The following YAE1 variants were observed in gnomAD, a reference collection of about 807,000 sequenced individuals.
YAE1 encodes the protein protein YAE1 homolog.
A neutral mutation model predicts 23.0 loss-of-function variants in YAE1; 22 were observed. That is an observed-to-expected ratio of 0.96 (90% CI 0.68 to 1.37). The LOEUF is 1.37. Ranked by LOEUF, YAE1 falls within the 40% of genes most tolerant of loss-of-function variation. The pLI is 0.00. For missense variants in YAE1, 260 were observed against 262.1 expected, an observed-to-expected ratio of 0.99 and a Z score of 0.06; for synonymous variants, 101 against 97.0, an observed-to-expected ratio of 1.04 and a Z score of -0.24.
downstream of YAE1, among the ~76,000 whole-genome samples, chr7:39,573,294 A>G (rs906933560): frequency 8.7e-6 from 1 of 115,032 alleles, no homozygotes; most frequent in East Asian, 2.5e-4. Context: ...TATGAAAAAC[A>G]TAGAAAATAT....
At chr7:39,603,389 C>T (rs2876861) in intron 2 of YAE1, among the ~76,000 whole-genome samples, 8,277 of 152,178 alleles carry the variant, frequency 0.054, 295 homozygotes, top group East Asian at 0.12. Context: ...CCGCCTGCCT[C>T]GGCCTCCCAA....
chr7:39,583,323 CATT>C (rs1212381081), intron 2 of YAE1, among the ~76,000 whole-genome samples: 1 of 152,236 alleles, frequency 6.6e-6, no homozygotes, highest in East Asian at 1.9e-4. Context: ...TTCTTTATTG[CATT>C]TGTCACAATA....
chr7:39,610,108 G>C (rs6968742), exon 3 of YAE1: 234,963 of 1,172,004 alleles, frequency 0.2, 27,177 homozygotes, highest in African/African-American at 0.51. Flanking sequence ...TTGGCCCTCC[G>C]GCAAGCTAGA....
intron 2 of YAE1, among the ~76,000 whole-genome samples, chr7:39,602,337 A>G (rs562634638): frequency 6.6e-6 from 1 of 152,352 alleles, no homozygotes; most frequent in South Asian, 2.1e-4. Context: ...ACAGTAACAC[A>G]ATGTGGCTTC....
intron 1 of YAE1, chr7:39,569,699 GT>G: frequency 1.4e-6 from 1 of 709,288 alleles, no homozygotes; most frequent in South Asian, 1.4e-5. Context: ...CAATAAAGTA[GT>G]TATGGCAAGT....
At position 39,606,027 on chromosome 7, in the gene YAE1, C is replaced by T. The variant is rs1364972345; in HGVS notation, c.252-3590C>T. 2.0e-5 allele frequency among the ~76,000 whole-genome samples: 3 copies of T among 151,794 alleles called. No individual in the cohort carries two copies. The East Asian group carries it at 5.8e-4, about 29-fold the overall frequency. On this transcript the variant is annotated intron_variant, in intron 2 of 2. Transcript: ENST00000432096. ...AGCTACAAGGTCTTTTGCCCTACCC[C>T]CAAGAATCATGGTAAACAATTTTTT...
At chr7:39,581,301 G>A (rs1430835894) in intron 2 of YAE1, among the ~76,000 whole-genome samples, 1 of 152,072 alleles carries the variant, frequency 6.6e-6, no homozygotes, top group Non-Finnish European at 1.5e-5. Flanking sequence ...AGAAATATAT[G>A]GTTCTAGATA....
chr7:39,577,744 G>A (rs576278737), downstream of YAE1, among the ~76,000 whole-genome samples: 4 of 152,352 alleles, frequency 2.6e-5, no homozygotes, highest in Non-Finnish European at 5.9e-5. Flanking sequence ...CTGCTCTGCT[G>A]CGCCCGGTCC....
At position 39,572,438 on chromosome 7, in the gene YAE1, A is replaced by G. The variant is rs1308706438; in HGVS notation, c.413A>G (p.Glu138Gly). The change falls in exon 3 of 3, where the codon GAG becomes GGG. Residue 138 changes from glutamate (E) to glycine (G), a missense_variant. Transcript: ENST00000223273. ...SHVVDLLDSI[E>G]DMDLCHVVPA... Reference sequence around the variant, plus strand: ...GTTGTAGATTTATTGGACTCCATTGAGGATATGGACCTTTGTCATGTAGTT... The same window carrying G: ...GTTGTAGATTTATTGGACTCCATTGGGGATATGGACCTTTGTCATGTAGTT... 20 of 1,614,074 alleles carry G rather than the reference A, an allele frequency of 1.2e-5. No individual in the cohort carries two copies. Among genetic ancestry groups the G allele is most frequent in the Non-Finnish European group, 1.7e-5 (20 of 1,180,004 alleles).
At chr7:39,575,701 C>T (rs891754692), downstream of YAE1, among the ~76,000 whole-genome samples, 1 of 152,154 alleles carries the variant, frequency 6.6e-6, no homozygotes, top group Admixed American at 6.5e-5. Context: ...TTTGCCCCTA[C>T]GTAATGCCTT....
rs946957004 is a variant in YAE1, at chr7:39,609,730, C to A, written c.365C>A (p.Ala122Glu). 1.0e-5 allele frequency: 16 copies of A among 1,535,392 alleles called. No individual in the cohort carries two copies. The African/African-American group carries it at 1.9e-4, about 18-fold the overall frequency. The change falls in exon 3 of 3, where the codon GCG (alanine) becomes GAG (glutamate). Residue 122 changes from alanine to glutamate, a missense_variant. Coordinates refer to the YAE1 transcript ENST00000432096. ...GTCCCCGGCCACATGGCGAGCGGGG[C>A]GACACCGAAGCAGCCCACGGAGCTC... is the stretch of plus-strand genomic sequence containing the variant.
At chr7:39,577,683 C>T (rs1403265923), downstream of YAE1, among the ~76,000 whole-genome samples, 2 of 152,230 alleles carry the variant, frequency 1.3e-5, no homozygotes, top group African/African-American at 4.8e-5. Flanking sequence ...CTAGCCTCAC[C>T]CCCACTGTGG....
Position 39,609,804 on chromosome 7 carries a change from CG to C in YAE1, c.440del (p.Arg147ProfsTer65). On this transcript the variant is annotated frameshift_variant, in exon 3 of 3. Transcript: ENST00000432096. LOFTEE classifies it low-confidence loss of function (END_TRUNC). ...TCCCCAAAGCGGCCGCGCCACTCCC[CG>C]CTTCCCCGCCCGGCTCCGGGCCCCA... The C allele has an allele frequency of 6.5e-7, 1 of 1,531,678 alleles. No individual in the cohort carries two copies. The highest frequency in any genetic ancestry group is 8.7e-7 in the Non-Finnish European group (1 of 1,144,266). The allele number at this position is 1,531,678 out of a possible 1,614,324, so 94.9% of individuals were successfully genotyped here. A position where few individuals can be genotyped will look rare whatever the true frequency, so the allele number is the denominator to read the frequency against.
At chr7:39,582,187 G>A (rs982998263) in intron 2 of YAE1, among the ~76,000 whole-genome samples, 2 of 151,814 alleles carry the variant, frequency 1.3e-5, no homozygotes, top group African/African-American at 2.4e-5. Flanking sequence ...GGCTAATTTT[G>A]TTGTTGTCAT....
intron 2 of YAE1, among the ~76,000 whole-genome samples, chr7:39,605,929 A>C (rs1791123867): frequency 1.3e-5 from 2 of 151,876 alleles, no homozygotes; most frequent in Non-Finnish European, 2.9e-5. Context: ...TCATCATCAG[A>C]GTTCTTTTTT....
exon 3 of YAE1, chr7:39,609,845 G>A: frequency 7.8e-6 from 12 of 1,533,152 alleles, no homozygotes; most frequent in Non-Finnish European, 1.0e-5. Flanking sequence ...CTGGGACGCC[G>A]AGCCACCGCC....
chr7:39,603,890 C>T (rs1176785506), intron 2 of YAE1, among the ~76,000 whole-genome samples: 4 of 152,062 alleles, frequency 2.6e-5, no homozygotes, highest in Non-Finnish European at 5.9e-5. Flanking sequence ...AAAGAAATAT[C>T]GAGAGGATAT....
At chr7:39,589,502 T>G (rs1790870387) in intron 2 of YAE1, among the ~76,000 whole-genome samples, 1 of 151,894 alleles carries the variant, frequency 6.6e-6, no homozygotes, top group Non-Finnish European at 1.5e-5. Context: ...CAAGCAATCC[T>G]CCTACCTTGG....
intron 2 of YAE1, among the ~76,000 whole-genome samples, chr7:39,608,854 T>C (rs1791165841): frequency 6.6e-6 from 1 of 152,186 alleles, no homozygotes. Flanking sequence ...TAAAAGACTT[T>C]GGGCTTCTAA....
Sources: allele counts gnomAD v4.1 joint callset (sites outside exome capture counted in the v4.1 genomes callset), GRCh38; gene constraint gnomAD v4.1.1; transcripts MANE v1.5; gene names NCBI Gene and HGNC (gene_info 2026-07-23, HGNC 2026-07-21).